The following PDZRN4 variants were observed in gnomAD, a reference collection of about 807,000 sequenced individuals.
PDZRN4 encodes PDZ domain-containing RING finger protein 4.
PDZRN4 carries 70 observed loss-of-function variants against 99.0 expected under a neutral mutation model. The ratio of observed to expected loss-of-function variants is 0.71; its 90% CI spans 0.58 to 0.86. The LOEUF (loss-of-function observed/expected upper bound fraction) is 0.86, where lower values mean the gene tolerates loss of function less well. Among genes scored for constraint, PDZRN4 ranks in the 40% least tolerant of loss-of-function variants. PDZRN4 has a pLI of 0.00. For missense variants in PDZRN4, 1,474 were observed against 1,331.2 expected, an observed-to-expected ratio of 1.11 and a Z score of -1.67; for synonymous variants, 551 against 501.6, an observed-to-expected ratio of 1.10 and a Z score of -1.32.
chr12:41,482,413 A>G (rs1184388538), intron 3 of PDZRN4, among the ~76,000 whole-genome samples: 1 of 152,152 alleles, frequency 6.6e-6, no homozygotes, highest in Admixed American at 6.6e-5. Context: ...ACAACAAGGA[A>G]AAAAAGGAAG....
At chr12:41,282,954 A>G (rs1333715321) in intron 3 of PDZRN4, among the ~76,000 whole-genome samples, 1 of 152,208 alleles carries the variant, frequency 6.6e-6, no homozygotes, top group East Asian at 1.9e-4. Flanking sequence ...TAACATAGCA[A>G]TTAAAACAAC....
intron 3 of PDZRN4, among the ~76,000 whole-genome samples, chr12:41,318,064 T>C (rs1172896542): frequency 6.6e-6 from 1 of 152,214 alleles, no homozygotes; most frequent in Non-Finnish European, 1.5e-5. Flanking sequence ...AATGTACTTT[T>C]CATGAAATTG....
intron 3 of PDZRN4, among the ~76,000 whole-genome samples, chr12:41,325,962 GTGCTTTCGA>G (rs1951706926): frequency 6.6e-6 from 1 of 151,954 alleles, no homozygotes; most frequent in Non-Finnish European, 1.5e-5. Context: ...TTCCACAACA[GTGCTTTCGA>G]TGTTTCTCTT....
intron 3 of PDZRN4, among the ~76,000 whole-genome samples, chr12:41,255,283 G>A (rs997541720): frequency 6.6e-6 from 1 of 152,110 alleles, no homozygotes; most frequent in South Asian, 2.1e-4. Context: ...GGTAAGACAG[G>A]TATGTTTGTC....
At position 41,211,395 on chromosome 12, in the gene PDZRN4, T is replaced by C. The variant is rs9805035; in HGVS notation, c.843+17207T>C. Among the ~76,000 whole-genome samples, 752 of 152,152 alleles carry C rather than the reference T, an allele frequency of 4.9e-3. 9 individuals are homozygous for C. Among genetic ancestry groups the C allele is most frequent in the African/African-American group, 0.017 (710 of 41,556 alleles). On this transcript the variant is annotated intron_variant, in intron 3 of 9. Transcript: ENST00000402685. ...AGAATATAAAGGAGGTTCTTATCTC[T>C]TTTATACTTGCCCATTACTTTTATT...
chr12:41,287,321 A>C (rs73122808), intron 3 of PDZRN4, among the ~76,000 whole-genome samples: 3,630 of 152,278 alleles, frequency 0.024, 145 homozygotes, highest in African/African-American at 0.082. Flanking sequence ...AACTAGCTAA[A>C]TAGATGAACT....
chr12:41,408,055 T>G (rs2120366003), intron 3 of PDZRN4, among the ~76,000 whole-genome samples: 1 of 152,308 alleles, frequency 6.6e-6, no homozygotes, highest in East Asian at 1.9e-4. Context: ...GCGAGTTAGC[T>G]GAGTAGAGAA....
chr12:41,194,119 T>C lies in PDZRN4; in HGVS notation c.774T>C (p.Val258=). 1 of 1,567,180 alleles carries C rather than the reference T, an allele frequency of 6.4e-7. No individual in the cohort carries two copies. Among genetic ancestry groups the C allele is most frequent in the East Asian group, 2.2e-5 (1 of 44,700 alleles). Reference sequence around the variant, plus strand: ...GAACATCGACTGAAGGAATTTACGTTTCAAAAATTTTAGAAAATGGACCTG... The same window carrying C: ...GAACATCGACTGAAGGAATTTACGTCTCAAAAATTTTAGAAAATGGACCTG... ...QEGTSTEGIY[V]SKILENGPAD... The change falls in exon 3 of 10, where the codon GTT becomes GTC. Residue 258 remains valine, a synonymous_variant. Coordinates refer to ENST00000402685, the MANE Select transcript of PDZRN4 (RefSeq NM_001164595.2).
intron 3 of PDZRN4, among the ~76,000 whole-genome samples, chr12:41,413,385 T>G (rs531770776): frequency 5.9e-5 from 9 of 152,056 alleles, no homozygotes; most frequent in African/African-American, 2.2e-4. Flanking sequence ...AAACAGGGGA[T>G]AGGGAGGGAT....
chr12:41,224,514 G>A (rs1247758934), intron 3 of PDZRN4, among the ~76,000 whole-genome samples: 1 of 152,120 alleles, frequency 6.6e-6, no homozygotes, highest in Non-Finnish European at 1.5e-5. Context: ...AATGGCTTTC[G>A]TGAGGAAGAG....
At chr12:41,388,069 A>G (rs1454414193) in intron 3 of PDZRN4, among the ~76,000 whole-genome samples, 1 of 152,218 alleles carries the variant, frequency 6.6e-6, no homozygotes, top group Non-Finnish European at 1.5e-5. Flanking sequence ...TGGCACATAT[A>G]CACCATGGAA....
chr12:41,504,088 G>A (rs1370835300), intron 3 of PDZRN4, among the ~76,000 whole-genome samples: 1 of 151,942 alleles, frequency 6.6e-6, no homozygotes, highest in Non-Finnish European at 1.5e-5. Flanking sequence ...GGCCAACATA[G>A]TGAAACCCCG....
At chr12:41,433,323 C>A (rs762793911) in intron 3 of PDZRN4, among the ~76,000 whole-genome samples, 1 of 152,184 alleles carries the variant, frequency 6.6e-6, no homozygotes, top group Non-Finnish European at 1.5e-5. Flanking sequence ...AATTCCACCA[C>A]AGAATTTGTC....
intron 3 of PDZRN4, among the ~76,000 whole-genome samples, chr12:41,487,199 G>A (rs1937794036): frequency 6.6e-6 from 1 of 151,630 alleles, no homozygotes; most frequent in South Asian, 2.1e-4. Context: ...CTTGTTCATT[G>A]ACATTATCTC....
chr12:41,462,672 G>A (rs1272859051), intron 3 of PDZRN4, among the ~76,000 whole-genome samples: 3 of 152,096 alleles, frequency 2.0e-5, no homozygotes, highest in African/African-American at 7.2e-5. Flanking sequence ...TCAGATTTTG[G>A]CAAATCAAGT....
At chr12:41,377,731 A>G (rs1010316196) in intron 3 of PDZRN4, among the ~76,000 whole-genome samples, 1 of 152,150 alleles carries the variant, frequency 6.6e-6, no homozygotes, top group African/African-American at 2.4e-5. Flanking sequence ...ATTCCTAAGT[A>G]TTATAGATTT....
At chr12:41,473,274 G>A (rs1387307769) in intron 3 of PDZRN4, 1 of 152,078 alleles carries the variant, frequency 6.6e-6, no homozygotes, top group Non-Finnish European at 1.5e-5. Context: ...AAATTATAAA[G>A]GGGGAGATGC....
rs1939540086 is a variant in PDZRN4 at position 41,574,354 on chromosome 12, T to G, written c.*464T>G. ...TGTTCGTAATAAATCATGTGCCACA[T>G]CTTGTCTTACACATAAAAGCCACTG... On this transcript the variant is annotated 3_prime_UTR_variant, in exon 10 of 10. Coordinates refer to ENST00000402685, the MANE Select transcript of PDZRN4 (RefSeq NM_001164595.2). 6.5e-6 allele frequency: 1 copy of G among 153,186 alleles called. No homozygotes were observed. The highest frequency in any genetic ancestry group is 2.4e-5 in the African/African-American group (1 of 41,454). 9.5% of individuals were successfully genotyped at this position (153,186 alleles called of 1,614,324 possible). A position where few individuals can be genotyped will look rare whatever the true frequency, so the allele number is the denominator to read the frequency against.
intron 5 of PDZRN4, among the ~76,000 whole-genome samples, chr12:41,523,035 A>G (rs1169595956): frequency 2.0e-5 from 3 of 152,096 alleles, no homozygotes; most frequent in Admixed American, 2.0e-4. Context: ...ATTTAGGTAT[A>G]TTTGGAATCA....
Sources: allele counts gnomAD v4.1 joint callset (sites outside exome capture counted in the v4.1 genomes callset), GRCh38; gene constraint gnomAD v4.1.1; transcripts MANE v1.5; gene names NCBI Gene and HGNC (gene_info 2026-07-23, HGNC 2026-07-21).